Variants in LAMC2 observed in about 807,000 individuals in gnomAD.
LAMC2 encodes the protein laminin subunit gamma-2.
In LAMC2, 97 loss-of-function variants were observed where a neutral mutation model predicts 140.2. The observed-to-expected ratio is 0.69, with a 90% CI of 0.59 to 0.82. LAMC2 has a LOEUF of 0.82. Ranked by LOEUF, LAMC2 falls within the 40% of genes least tolerant of loss-of-function variation. LAMC2 has a pLI of 0.00. For synonymous variants in LAMC2, 513 were observed against 540.2 expected (o/e 0.95, Z 0.70); for missense variants, 1,402 against 1,476.1 (o/e 0.95, Z 0.82).
intron 2 of LAMC2, 128 bp from the exon 3 acceptor site, chr1:183,215,325 A>T: frequency 9.7e-7 from 1 of 1,026,260 alleles, no homozygotes; most frequent in Non-Finnish European, 1.5e-6. Context: ...AGTGACTGTT[A>T]AAAGCAGCAG....
rs1380930597 is a variant in LAMC2, at chr1:183,204,547, G to A, written c.80-3334G>A. On this transcript the variant is annotated intron_variant, in intron 1 of 22. Coordinates refer to ENST00000264144, the MANE Select transcript of LAMC2 (RefSeq NM_005562.3). ...CTTGGGAGGCTGAGGTTGGAGAATC[G>A]CTTGAGCCCAGGAGGTTGAGGCTAC... 7.2e-5 allele frequency among the ~76,000 whole-genome samples: 11 copies of A among 151,880 alleles called. No individual in the cohort carries two copies. The South Asian group carries it at 1.2e-3, about 17-fold the overall frequency.
intron 11 of LAMC2, among the ~76,000 whole-genome samples, chr1:183,229,410 G>C (rs1659734122): frequency 6.6e-6 from 1 of 152,082 alleles, no homozygotes; most frequent in Non-Finnish European, 1.5e-5. Context: ...GCTGAGGTGG[G>C]TGGATCACCT....
At position 183,240,155 on chromosome 1, in the gene LAMC2, G is replaced by A. The variant is rs779992566; in HGVS notation, c.3185G>A (p.Arg1062Lys). Residue 1062 changes from arginine (R) to lysine (K), a missense_variant, in exon 21 of 23, where the codon AGG (arginine) becomes AAG (lysine). Physicochemically the swap from Arg to Lys is conservative, Grantham distance 26. Around this residue, in one of 3 missense-constraint regions of LAMC2, gnomAD observed 670 missense variants for 667.2 expected, o/e 1.00. Coordinates refer to ENST00000264144, the MANE Select transcript of LAMC2 (RefSeq NM_005562.3). ...AGGGAAGTGGAAGGAGAGCTGGAAAGGAAGGAGCTGGAGTTTGACACGAAT... is the reference window on the plus strand; with the variant it reads ...AGGGAAGTGGAAGGAGAGCTGGAAAAGAAGGAGCTGGAGTTTGACACGAAT... The part of the protein sequence containing the change: ...EMREVEGELE[R>K]KELEFDTNMD... The A allele has an allele frequency of 1.2e-6, 2 of 1,614,228 alleles. No individual in the cohort carries two copies. The highest frequency in any genetic ancestry group is 2.2e-5 in the South Asian group (2 of 91,088).
intron 1 of LAMC2, among the ~76,000 whole-genome samples, chr1:183,207,162 G>C (rs1658910947): frequency 6.6e-6 from 1 of 152,182 alleles, no homozygotes; most frequent in Non-Finnish European, 1.5e-5. Flanking sequence ...CTCTCTCCGA[G>C]ACCATGACGG....
chr1:183,227,175 G>A (rs932246537), intron 9 of LAMC2, among the ~76,000 whole-genome samples: 2 of 152,186 alleles, frequency 1.3e-5, no homozygotes, highest in African/African-American at 4.8e-5. Flanking sequence ...AGTTGGTGTC[G>A]AGTTCCAAGA....
At chr1:183,238,539 T>G in intron 19 of LAMC2, 118 bp downstream of exon 19, 4 of 693,978 alleles carry the variant, frequency 5.8e-6, no homozygotes, top group Middle Eastern at 2.7e-4. Context: ...TAATAGATCC[T>G]TAGTAAATAT....
chr1:183,198,310 T>A (rs1658590400), intron 1 of LAMC2, among the ~76,000 whole-genome samples: 1 of 151,728 alleles, frequency 6.6e-6, no homozygotes, highest in Non-Finnish European at 1.5e-5. Flanking sequence ...CCCGGCTAAT[T>A]TTTTTGTGTA....
chr1:183,218,346 G>A, intron 3 of LAMC2, 44 bp from the exon 4 acceptor site: 3 of 1,425,800 alleles, frequency 2.1e-6, no homozygotes, highest in Non-Finnish European at 3.0e-6. Flanking sequence ...TAGTTGTGAA[G>A]CATTTGGAAG....
intron 2 of LAMC2, among the ~76,000 whole-genome samples, chr1:183,208,983 G>GTT (rs78166475): frequency 0.036 from 4,739 of 129,898 alleles, 255 homozygotes; most frequent in African/African-American, 0.12. Flanking sequence ...CTGGCTAGTT[G>GTT]TTTTTTTTTT....
intron 1 of LAMC2, among the ~76,000 whole-genome samples, chr1:183,189,127 A>G (rs1658244695): frequency 6.6e-6 from 1 of 152,230 alleles, no homozygotes; most frequent in Admixed American, 6.5e-5. Flanking sequence ...AACAGATTAC[A>G]GGGACATTTA....
chr1:183,232,804 A>G lies in LAMC2; in HGVS notation c.2167A>G (p.Ile723Val), dbSNP rs752726032. 1.2e-6 allele frequency: 2 copies of G among 1,614,206 alleles called. No homozygotes were observed. The highest frequency in any genetic ancestry group is 1.7e-6 in the Non-Finnish European group (2 of 1,180,024). The change falls in exon 14 of 23, where the codon ATC (isoleucine) becomes GTC (valine). Residue 723 changes from isoleucine (I) to valine (V), a missense_variant. Around this residue, in one of 3 missense-constraint regions of LAMC2, gnomAD observed 670 missense variants for 667.2 expected, o/e 1.00. Transcript: ENST00000264144. ...CCGAGTTCGGGATACTCACAGGCTC[A>G]TCACTCAGATGCAGCTGAGCCTGGC... ...QNRVRDTHRL[I>V]TQMQLSLAES... is the part of the protein sequence containing the mutation.
intron 1 of LAMC2, among the ~76,000 whole-genome samples, chr1:183,197,185 G>A (rs1658545358): frequency 6.6e-6 from 1 of 152,180 alleles, no homozygotes; most frequent in Non-Finnish European, 1.5e-5. Context: ...TCTAGATATG[G>A]CTATAGTGGA....
At chr1:183,243,073 A>G (rs1660168809) in intron 22 of LAMC2, 74 bp from the exon 23 acceptor site, 2 of 1,555,392 alleles carry the variant, frequency 1.3e-6, no homozygotes, top group East Asian at 2.2e-5. Flanking sequence ...TTATGGGTAT[A>G]GAAGGGCACG....
intron 22 of LAMC2, among the ~76,000 whole-genome samples, 160 bp from the exon 23 acceptor site, chr1:183,242,987 G>T (rs751691238): frequency 3.0e-4 from 46 of 152,096 alleles, no homozygotes; most frequent in Non-Finnish European, 5.7e-4. Flanking sequence ...ACTCTTTCTA[G>T]GTGATTTCTA....
In LAMC2 at chr1:183,234,390, C is replaced by T. The variant is rs368391322; in HGVS notation, c.2244C>T (p.Tyr748=). 1.2e-4 allele frequency: 188 copies of T among 1,613,930 alleles called. No homozygotes were observed. Among genetic ancestry groups the T allele is most frequent in the Non-Finnish European group, 1.5e-4 (172 of 1,179,940 alleles). Residue 748 remains tyrosine, a synonymous_variant, in exon 15 of 23, where the codon TAC becomes TAT. Transcript: ENST00000264144. ...AGAACATTCCTGCCTCAGACCACTACGTGGGGCCAAATGGCTTTAAAAGTC... is the reference window on the plus strand; with the variant it reads ...AGAACATTCCTGCCTCAGACCACTATGTGGGGCCAAATGGCTTTAAAAGTC... ...GNTNIPASDH[Y]VGPNGFKSLA...
chr1:183,194,735 G>A (rs1658460514), intron 1 of LAMC2, among the ~76,000 whole-genome samples: 1 of 152,130 alleles, frequency 6.6e-6, no homozygotes, highest in Admixed American at 6.5e-5. Flanking sequence ...TATTTCAACT[G>A]CTTCTTAGAG....
intron 1 of LAMC2, among the ~76,000 whole-genome samples, chr1:183,190,311 G>C (rs1163468011): frequency 2.6e-5 from 4 of 152,258 alleles, no homozygotes; most frequent in South Asian, 4.1e-4. Flanking sequence ...ATTGCTTTCT[G>C]TGTTTTAAGT....
In LAMC2 at chr1:183,235,654, C is replaced by T. The variant is rs1006392392; in HGVS notation, c.2380C>T (p.Arg794Cys). ...TTCCAAACAAGCCCTCTCACTGGTG[C>T]GCAAGGCCCTGCATGAAGGAGTCGG... Reference protein sequence around the residue: ...DYSKQALSLVRKALHEGVGSG... With the variant: ...DYSKQALSLVCKALHEGVGSG... The change falls in exon 16 of 23, where the codon CGC becomes TGC. Residue 794 changes from arginine to cysteine, a missense_variant. Arg to Cys is a radical substitution (Grantham distance 180). Coordinates refer to ENST00000264144, the MANE Select transcript of LAMC2 (RefSeq NM_005562.3). 6.2e-6 allele frequency: 10 copies of T among 1,614,088 alleles called. No individual in the cohort carries two copies. Among genetic ancestry groups the T allele is most frequent in the Non-Finnish European group, 8.5e-6 (10 of 1,180,032 alleles).
At chr1:183,240,506 A>T in intron 22 of LAMC2, 115 bp downstream of exon 22, 3 of 1,497,962 alleles carry the variant, frequency 2.0e-6, no homozygotes, top group Non-Finnish European at 2.7e-6. Context: ...TAAGGATATC[A>T]GTAAATGTGC....
Sources: allele counts gnomAD v4.1 joint callset (sites outside exome capture counted in the v4.1 genomes callset), GRCh38; gene constraint gnomAD v4.1.1; regional missense constraint gnomAD v4.1.1; transcripts MANE v1.5; gene names NCBI Gene and HGNC (gene_info 2026-07-23, HGNC 2026-07-21).